Variants in ROBO2 observed in about 807,000 individuals in gnomAD.
ROBO2 encodes roundabout guidance receptor 2.
ROBO2 carries 53 observed loss-of-function variants against 160.8 expected under a neutral mutation model. That is an observed-to-expected ratio of 0.33 (90% confidence interval 0.26 to 0.41). ROBO2 has a LOEUF of 0.41. Among genes scored for constraint, ROBO2 ranks in the 10% least tolerant of loss-of-function variants. The probability of loss-of-function intolerance (pLI) is 1.00; values close to 1 mark genes in which losing one functional copy is unlikely to be tolerated. For synonymous variants in ROBO2, 664 were observed against 611.7 expected, an observed-to-expected ratio of 1.09 and a Z score of -1.26; for missense variants, 1,577 against 1,722.4, an observed-to-expected ratio of 0.92 and a Z score of 1.49.
chr3:77,117,049 T>C (rs537904948), intron 2 of ROBO2, among the ~76,000 whole-genome samples: 1 of 152,210 alleles, frequency 6.6e-6, no homozygotes, highest in African/African-American at 2.4e-5. Flanking sequence ...ATCAGACGAG[T>C]TCTGCACCTA....
At chr3:76,666,019 T>C (rs1166526773) in intron 2 of ROBO2, among the ~76,000 whole-genome samples, 12 of 122,516 alleles carry the variant, frequency 9.8e-5, no homozygotes, top group Admixed American at 2.5e-4. Flanking sequence ...ATACATATTA[T>C]ATATTATATA....
intron 2 of ROBO2, among the ~76,000 whole-genome samples, chr3:76,439,648 G>C (rs919938003): frequency 6.6e-6 from 1 of 152,138 alleles, no homozygotes; most frequent in Non-Finnish European, 1.5e-5. Flanking sequence ...GAGGGCAAGT[G>C]CCTAGTATGA....
At chr3:76,472,100 T>TGTGC (rs1491261065) in intron 2 of ROBO2, among the ~76,000 whole-genome samples, 2,188 of 111,100 alleles carry the variant, frequency 0.02, 82 homozygotes, top group Non-Finnish European at 0.027. Flanking sequence ...TGTGTGTGTG[T>TGTGC]GCGCGTGTGC....
intron 2 of ROBO2, among the ~76,000 whole-genome samples, chr3:76,543,646 T>A (rs1251396696): frequency 6.6e-6 from 1 of 152,100 alleles, no homozygotes; most frequent in Non-Finnish European, 1.5e-5. Flanking sequence ...ACGGTTTTGA[T>A]GTAAATGTCT....
intron 2 of ROBO2, among the ~76,000 whole-genome samples, chr3:76,764,362 G>T (rs931283753): frequency 6.6e-6 from 1 of 151,564 alleles, no homozygotes; most frequent in African/African-American, 2.4e-5. Flanking sequence ...ACATTCTATT[G>T]TAACTGTATG....
At chr3:76,380,844 G>C (rs1227989442) in intron 2 of ROBO2, among the ~76,000 whole-genome samples, 1 of 152,066 alleles carries the variant, frequency 6.6e-6, no homozygotes, top group Non-Finnish European at 1.5e-5. Context: ...AAAGGTATGA[G>C]ATAAAGTATC....
chr3:76,189,607 A>G (rs1701917796), intron 2 of ROBO2, among the ~76,000 whole-genome samples: 1 of 152,120 alleles, frequency 6.6e-6, no homozygotes. Context: ...GTCTTAAGCC[A>G]TATATAGTTT....
At chr3:76,453,525 C>T (rs1441217598) in intron 2 of ROBO2, among the ~76,000 whole-genome samples, 1 of 152,132 alleles carries the variant, frequency 6.6e-6, no homozygotes, top group Non-Finnish European at 1.5e-5. Flanking sequence ...TGTTCTGTTC[C>T]ATTGGTCTAT....
At chr3:77,409,784 G>A (rs928797637) in intron 2 of ROBO2, among the ~76,000 whole-genome samples, 1 of 152,122 alleles carries the variant, frequency 6.6e-6, no homozygotes, top group African/African-American at 2.4e-5. Context: ...AAGCCCAACT[G>A]CAATGTGTAT....
intron 9 of ROBO2, among the ~76,000 whole-genome samples, chr3:77,559,159 C>T (rs1409492965): frequency 6.6e-6 from 1 of 152,030 alleles, no homozygotes; most frequent in African/African-American, 2.4e-5. Context: ...AGAGAGTCTC[C>T]TAGTAAGATG....
intron 2 of ROBO2, among the ~76,000 whole-genome samples, chr3:76,421,703 G>A (rs1355882824): frequency 1.4e-5 from 2 of 146,548 alleles, no homozygotes; most frequent in African/African-American, 5.2e-5. Flanking sequence ...TTCAGTCTGG[G>A]CAACAAGAGC....
At chr3:77,535,141 C>A (rs1035556291) in intron 6 of ROBO2, among the ~76,000 whole-genome samples, 1 of 151,936 alleles carries the variant, frequency 6.6e-6, no homozygotes, top group Admixed American at 6.6e-5. Context: ...TATTAAAATT[C>A]CGTTAACTAA....
intron 5 of ROBO2, among the ~76,000 whole-genome samples, chr3:77,522,185 C>T (rs891677678): frequency 6.6e-6 from 1 of 151,112 alleles, no homozygotes; most frequent in African/African-American, 2.4e-5. Context: ...CATAAATGCA[C>T]GTGAACGAGC....
At chr3:77,341,916 A>G (rs1472155429) in intron 2 of ROBO2, among the ~76,000 whole-genome samples, 1 of 152,090 alleles carries the variant, frequency 6.6e-6, no homozygotes, top group Non-Finnish European at 1.5e-5. Flanking sequence ...ATGCATTTGT[A>G]GTTTGAGAAA....
At chr3:76,957,377 A>T (rs549187058) in intron 2 of ROBO2, among the ~76,000 whole-genome samples, 1 of 152,128 alleles carries the variant, frequency 6.6e-6, no homozygotes, top group African/African-American at 2.4e-5. Context: ...ATAGGAGAAT[A>T]CCTATTAGAT....
At chr3:77,494,661 G>A (rs963883311) in intron 5 of ROBO2, among the ~76,000 whole-genome samples, 6 of 152,154 alleles carry the variant, frequency 3.9e-5, no homozygotes, top group Non-Finnish European at 5.9e-5. Flanking sequence ...TGCTTCCTCC[G>A]AAGCTGTATA....
intron 2 of ROBO2, among the ~76,000 whole-genome samples, chr3:76,855,205 T>C (rs1050905965): frequency 6.6e-6 from 1 of 152,238 alleles, no homozygotes; most frequent in African/African-American, 2.4e-5. Context: ...AAGTAGTTTG[T>C]TATCCTCCAT....
intron 2 of ROBO2, among the ~76,000 whole-genome samples, chr3:76,069,821 G>A (rs909758424): frequency 6.6e-5 from 10 of 152,204 alleles, no homozygotes; most frequent in African/African-American, 2.2e-4. Context: ...CGAAGGGACC[G>A]GCTGAAGCCA....
rs549843691 is a variant in ROBO2, at chr3:76,655,382, CA to C, written c.110-442622del. 9.3e-3 allele frequency among the ~76,000 whole-genome samples: 992 copies of C among 106,632 alleles called. 14 individuals are homozygous for C. Among genetic ancestry groups the C allele is most frequent in the African/African-American group, 0.028 (844 of 30,236 alleles). The allele number at this position is 106,632 out of a possible 152,430, so 70.0% of individuals were successfully genotyped here. ...TGCTAATATTTATAAAAACAAATTT[CA>C]AAAAAAAAACTATTTGAAATATCTA... On this transcript the variant is annotated intron_variant, in intron 2 of 26. Transcript: ENST00000487694.
Sources: gnomAD v4.1 joint callset for allele counts (sites outside exome capture counted in the v4.1 genomes callset) on GRCh38, gnomAD v4.1.1 for gene constraint, MANE v1.5 for transcripts, NCBI Gene and HGNC (gene_info 2026-07-23, HGNC 2026-07-21) for gene names.